SNAP25: variants seen among roughly 807,000 people sequenced by gnomAD.
The protein encoded by SNAP25 is synaptosome associated protein 25.
A neutral mutation model predicts 28.7 loss-of-function variants in SNAP25; 3 were observed. The observed-to-expected ratio is 0.10, with a 90% confidence interval of 0.05 to 0.27. The LOEUF (loss-of-function observed/expected upper bound fraction) is 0.27. Ranked by LOEUF, SNAP25 falls within the 10% of genes least tolerant of loss-of-function variation. The pLI is 1.00. For missense variants in SNAP25, 117 were observed against 278.7 expected (o/e 0.42, Z 4.13); for synonymous variants, 61 against 88.1 (o/e 0.69, Z 1.72).
chr20:10,303,304 C>T (rs2064283512), intron 7 of SNAP25, among the ~76,000 whole-genome samples: 1 of 152,048 alleles, frequency 6.6e-6, no homozygotes, highest in Admixed American at 6.5e-5. Flanking sequence ...GTCTGTAGTT[C>T]AAAACAATCA....
chr20:10,253,103 G>A (rs867992190), intron 1 of SNAP25, among the ~76,000 whole-genome samples: 3 of 152,150 alleles, frequency 2.0e-5, no homozygotes, highest in African/African-American at 4.8e-5. Flanking sequence ...AATGAGAGAC[G>A]ATGAGACAAA....
intron 1 of SNAP25, among the ~76,000 whole-genome samples, chr20:10,258,395 T>C (rs2063356977): frequency 6.6e-6 from 1 of 152,240 alleles, no homozygotes; most frequent in Non-Finnish European, 1.5e-5. Flanking sequence ...TTTTAACTTT[T>C]TGAAAGGGTA....
At chr20:10,221,560 A>G (rs2062634716) in intron 1 of SNAP25, among the ~76,000 whole-genome samples, 1 of 152,218 alleles carries the variant, frequency 6.6e-6, no homozygotes, top group South Asian at 2.1e-4. Flanking sequence ...CTGTTTGTTC[A>G]TCGGCATTTA....
chr20:10,222,107 G>C (rs891629240), intron 1 of SNAP25, among the ~76,000 whole-genome samples: 17 of 152,246 alleles, frequency 1.1e-4, no homozygotes, highest in Admixed American at 9.8e-4. Flanking sequence ...CTGATCAATC[G>C]GTATTCACCG....
intron 1 of SNAP25, among the ~76,000 whole-genome samples, chr20:10,254,985 G>T (rs2063295527): frequency 6.6e-6 from 1 of 152,160 alleles, no homozygotes; most frequent in South Asian, 2.1e-4. Flanking sequence ...GAAGTAAAAA[G>T]ATTGATGGGA....
At chr20:10,241,481 G>T (rs979666124) in intron 1 of SNAP25, among the ~76,000 whole-genome samples, 33 of 152,014 alleles carry the variant, frequency 2.2e-4, no homozygotes, top group Non-Finnish European at 4.4e-4. Context: ...TTCCTCTCGG[G>T]GTGATTAAAT....
At position 10,306,310 on chromosome 20, in the gene SNAP25, C is replaced by T; in HGVS notation, c.*113C>T. On this transcript the variant is annotated 3_prime_UTR_variant, in exon 8 of 8. Transcript: ENST00000254976. Reference sequence around the variant, plus strand: ...CACATAACACACATCAGTCCACCCCCATTGTGAATGTTGTCCTGTGTCATC... The same window carrying T: ...CACATAACACACATCAGTCCACCCCTATTGTGAATGTTGTCCTGTGTCATC... 1 of 892,288 alleles carries T rather than the reference C, an allele frequency of 1.1e-6. No individual in the cohort carries two copies. The highest frequency in any genetic ancestry group is 1.7e-5 in the African/African-American group (1 of 60,138). The allele number at this position is 892,288 out of a possible 1,614,324, so 55.3% of individuals were successfully genotyped here.
intron 1 of SNAP25, among the ~76,000 whole-genome samples, chr20:10,236,458 T>G (rs1217955969): frequency 6.6e-6 from 1 of 152,188 alleles, no homozygotes; most frequent in Non-Finnish European, 1.5e-5. Flanking sequence ...ATCTGTAATT[T>G]CACTTGAGCC....
intron 7 of SNAP25, among the ~76,000 whole-genome samples, chr20:10,303,770 A>G (rs3787283): frequency 0.35 from 52,547 of 151,932 alleles, 9,307 homozygotes; most frequent in East Asian, 0.59. Flanking sequence ...GGAATCATTC[A>G]TTTTCTGGAA....
At chr20:10,241,833 G>C (rs1170255266) in intron 1 of SNAP25, among the ~76,000 whole-genome samples, 5 of 152,186 alleles carry the variant, frequency 3.3e-5, no homozygotes, top group African/African-American at 9.7e-5. Context: ...CCAGCCTGCA[G>C]AGGAGACTGG....
At chr20:10,260,524 C>G (rs1201625594) in intron 1 of SNAP25, among the ~76,000 whole-genome samples, 1 of 152,020 alleles carries the variant, frequency 6.6e-6, no homozygotes, top group Non-Finnish European at 1.5e-5. Flanking sequence ...GAATGAGAAT[C>G]TTAGAAATGC....
chr20:10,292,199 A>C (rs2064012208), intron 4 of SNAP25, among the ~76,000 whole-genome samples: 1 of 152,216 alleles, frequency 6.6e-6, no homozygotes. Flanking sequence ...GCCTTCCAAA[A>C]CATTCATAGC....
chr20:10,268,945 C>T (rs2063549000), intron 1 of SNAP25, among the ~76,000 whole-genome samples: 1 of 152,114 alleles, frequency 6.6e-6, no homozygotes, highest in Non-Finnish European at 1.5e-5. Flanking sequence ...CATTTGTCCA[C>T]AACTGGTTGC....
chr20:10,279,250 T>C (rs900255352), intron 3 of SNAP25, among the ~76,000 whole-genome samples: 5 of 152,208 alleles, frequency 3.3e-5, no homozygotes, highest in Admixed American at 2.6e-4. Context: ...AAGCCCATCT[T>C]AGTAATATGC....
At chr20:10,286,674 T>C (rs1212955477) in intron 4 of SNAP25, among the ~76,000 whole-genome samples, 1 of 152,202 alleles carries the variant, frequency 6.6e-6, no homozygotes, top group East Asian at 1.9e-4. Flanking sequence ...CTTTCGGTTT[T>C]ACATTATTTA....
At chr20:10,255,566 T>G (rs1004794378) in intron 1 of SNAP25, among the ~76,000 whole-genome samples, 1 of 152,180 alleles carries the variant, frequency 6.6e-6, no homozygotes, top group African/African-American at 2.4e-5. Flanking sequence ...TGTAGGGTTT[T>G]GGGCCCAAGA....
chr20:10,277,582 G>T lies in SNAP25; in HGVS notation c.73-103G>T, dbSNP rs377292487. The T allele has an allele frequency of 3.1e-6, 3 of 954,850 alleles. No homozygotes were observed. The East Asian group carries it at 7.8e-5, about 25-fold the overall frequency. 59.1% of individuals were successfully genotyped at this position (954,850 alleles called of 1,614,324 possible). On this transcript the variant is annotated intron_variant, in intron 2 of 7. Coordinates refer to ENST00000254976, the MANE Select transcript of SNAP25 (RefSeq NM_130811.4). ...TGCCAACTGAAAAGAATATGTGACAGAGACCCTTTGTGTTTCTCAAGTAAA... is the reference window on the plus strand; with the variant it reads ...TGCCAACTGAAAAGAATATGTGACATAGACCCTTTGTGTTTCTCAAGTAAA...
chr20:10,250,874 A>C (rs1387113899), intron 1 of SNAP25, among the ~76,000 whole-genome samples: 1 of 152,346 alleles, frequency 6.6e-6, no homozygotes, highest in African/African-American at 2.4e-5. Context: ...CATAGTATTC[A>C]GTACAGTAAC....
chr20:10,224,281 T>TTTTTTTTTTTTG (rs2062693423), intron 1 of SNAP25, among the ~76,000 whole-genome samples: 3 of 133,322 alleles, frequency 2.3e-5, no homozygotes, highest in Admixed American at 7.6e-5. Context: ...TTTTTTTTTT[T>TTTTTTTTTTTTG]TTTTTTTTTT....
Sources: gnomAD v4.1 joint callset for allele counts (sites outside exome capture counted in the v4.1 genomes callset) on GRCh38, gnomAD v4.1.1 for gene constraint, MANE v1.5 for transcripts, NCBI Gene and HGNC (gene_info 2026-07-23, HGNC 2026-07-21) for gene names.